The following CDH13 variants were observed in gnomAD, a reference collection of about 807,000 sequenced individuals.
CDH13 encodes cadherin 13.
CDH13 carries 24 observed loss-of-function variants against 63.8 expected under a neutral mutation model. That is an observed-to-expected ratio of 0.38 (90% confidence interval 0.27 to 0.53). CDH13 has a LOEUF of 0.53. CDH13 is among the 20% of genes least tolerant of loss of function. The pLI, the probability that CDH13 is intolerant of heterozygous loss-of-function variation, is 0.85. For synonymous variants in CDH13, 503 were observed against 355.3 expected (o/e 1.42, Z -4.67); for missense variants, 1,049 against 903.1 (o/e 1.16, Z -2.07).
At chr16:83,291,851 A>G (rs1047420852) in intron 5 of CDH13, among the ~76,000 whole-genome samples, 1 of 152,158 alleles carries the variant, frequency 6.6e-6, no homozygotes, top group Non-Finnish European at 1.5e-5. Context: ...TACATATTGA[A>G]AAAGTGTGTT....
At chr16:83,363,708 C>T (rs954461183) in intron 6 of CDH13, among the ~76,000 whole-genome samples, 1 of 152,166 alleles carries the variant, frequency 6.6e-6, no homozygotes, top group Non-Finnish European at 1.5e-5. Context: ...GCAGGATGTT[C>T]CGTCAGCCTG....
chr16:83,442,802 A>T (rs1046033298), intron 6 of CDH13, among the ~76,000 whole-genome samples: 26 of 152,268 alleles, frequency 1.7e-4, no homozygotes, highest in African/African-American at 5.8e-4. Context: ...ATAAATGAAC[A>T]TCCAGTGATG....
chr16:82,856,608 G>T (rs555665847), intron 1 of CDH13, among the ~76,000 whole-genome samples: 11 of 144,610 alleles, frequency 7.6e-5, no homozygotes, highest in African/African-American at 2.5e-4. Flanking sequence ...AGGCTGAGGT[G>T]GGAGGATCGC....
At chr16:83,464,401 A>G (rs1383247087) in intron 6 of CDH13, among the ~76,000 whole-genome samples, 2 of 152,186 alleles carry the variant, frequency 1.3e-5, no homozygotes, top group Non-Finnish European at 2.9e-5. Context: ...AATCCCAGCT[A>G]CTAAGGAGGC....
At chr16:82,934,895 T>C (rs1432046582) in intron 2 of CDH13, among the ~76,000 whole-genome samples, 3 of 152,212 alleles carry the variant, frequency 2.0e-5, no homozygotes, top group Non-Finnish European at 4.4e-5. Flanking sequence ...AACAAGTATC[T>C]AGTAAGTTCC....
At chr16:83,020,131 G>A (rs766405768) in intron 2 of CDH13, among the ~76,000 whole-genome samples, 6 of 152,124 alleles carry the variant, frequency 3.9e-5, no homozygotes, top group Non-Finnish European at 7.4e-5. Flanking sequence ...TCAGAACATC[G>A]CTATGTGGCA....
chr16:82,680,390 C>G (rs1914415769), intron 1 of CDH13, among the ~76,000 whole-genome samples: 3 of 152,162 alleles, frequency 2.0e-5, no homozygotes, highest in Non-Finnish European at 4.4e-5. Flanking sequence ...TAGTTTGGCC[C>G]TCATCACAGT....
chr16:83,382,547 G>C (rs904369535), intron 6 of CDH13, among the ~76,000 whole-genome samples: 22 of 152,042 alleles, frequency 1.4e-4, no homozygotes, highest in African/African-American at 5.3e-4. Context: ...GCCTCCCCAA[G>C]TACACCCTCC....
intron 7 of CDH13, among the ~76,000 whole-genome samples, chr16:83,491,834 G>T (rs531235161): frequency 6.6e-6 from 1 of 152,226 alleles, no homozygotes; most frequent in East Asian, 1.9e-4. Flanking sequence ...TTTTCAGCTG[G>T]TAACGCACTT....
intron 1 of CDH13, among the ~76,000 whole-genome samples, chr16:82,783,486 G>T (rs1567529517): frequency 6.6e-6 from 1 of 152,208 alleles, no homozygotes; most frequent in Non-Finnish European, 1.5e-5. Context: ...GACACAGAGA[G>T]GTGAGCCCCA....
At chr16:83,479,276 T>C (rs1199462232) in intron 6 of CDH13, among the ~76,000 whole-genome samples, 8 of 152,222 alleles carry the variant, frequency 5.3e-5, no homozygotes, top group Non-Finnish European at 1.0e-4. Flanking sequence ...CCTAAGTGGT[T>C]GGGTCCCACA....
At chr16:83,786,192 A>C (rs1022291984) in intron 13 of CDH13, among the ~76,000 whole-genome samples, 13 of 152,224 alleles carry the variant, frequency 8.5e-5, no homozygotes, top group Non-Finnish European at 1.6e-4. Context: ...GTTAAACTTG[A>C]CAAGGAAGAG....
chr16:83,493,175 A>T (rs549156355), intron 7 of CDH13, among the ~76,000 whole-genome samples: 1 of 152,354 alleles, frequency 6.6e-6, no homozygotes. Context: ...ATACTTATCT[A>T]TAAGCACTCT....
At chr16:83,267,176 C>G (rs572954147) in intron 5 of CDH13, among the ~76,000 whole-genome samples, 2 of 152,268 alleles carry the variant, frequency 1.3e-5, no homozygotes, top group South Asian at 2.1e-4. Context: ...CAGAAAACCC[C>G]AACCCAACTG....
intron 6 of CDH13, among the ~76,000 whole-genome samples, chr16:83,459,339 G>A (rs1182725707): frequency 1.3e-5 from 2 of 152,186 alleles, no homozygotes; most frequent in African/African-American, 4.8e-5. Context: ...CAGAATAAAC[G>A]TGATTAAATT....
chr16:83,458,202 A>C (rs1431852420), intron 6 of CDH13, among the ~76,000 whole-genome samples: 1 of 152,128 alleles, frequency 6.6e-6, no homozygotes, highest in Non-Finnish European at 1.5e-5. Context: ...GCTGGCTCCA[A>C]CTCAAGATCT....
rs190459124 is a variant in CDH13, at chr16:82,989,236, G to T, written c.158-42774G>T. Reference sequence around the variant, plus strand: ...AAGACCTCAAGGAATGGGGCTGTCTGTGGGGCCTATATTTATGTTGACATC... The same window carrying T: ...AAGACCTCAAGGAATGGGGCTGTCTTTGGGGCCTATATTTATGTTGACATC... On this transcript the variant is annotated intron_variant, in intron 2 of 13. Coordinates refer to ENST00000567109, the MANE Select transcript of CDH13 (RefSeq NM_001257.5). Among the ~76,000 whole-genome samples the T allele has an allele frequency of 5.3e-5, 8 of 152,322 alleles. No individual in the cohort carries two copies. In the East Asian group the frequency reaches 1.2e-3, roughly 22 times the overall value.
At chr16:82,686,030 G>A (rs932675490) in intron 1 of CDH13, among the ~76,000 whole-genome samples, 3 of 152,108 alleles carry the variant, frequency 2.0e-5, no homozygotes, top group Admixed American at 6.5e-5. Flanking sequence ...TATCCCTAGT[G>A]AATTACAATT....
At chr16:83,449,070 G>T (rs1356155151) in intron 6 of CDH13, among the ~76,000 whole-genome samples, 1 of 152,156 alleles carries the variant, frequency 6.6e-6, no homozygotes, top group Non-Finnish European at 1.5e-5. Flanking sequence ...TAGATCAAGG[G>T]CAATGTGTGT....
Sources: allele counts gnomAD v4.1 joint callset (sites outside exome capture counted in the v4.1 genomes callset), GRCh38; gene constraint gnomAD v4.1.1; transcripts MANE v1.5; gene names NCBI Gene and HGNC (gene_info 2026-07-23, HGNC 2026-07-21).